ZNF780A: variants seen among roughly 807,000 people sequenced by gnomAD.
The protein encoded by ZNF780A is zinc finger protein 780A.
ZNF780A carries 40 observed loss-of-function variants against 56.7 expected under a neutral mutation model. That is an observed-to-expected ratio of 0.71 (90% CI 0.55 to 0.92). The LOEUF is 0.92. ZNF780A is among the 40% of genes least tolerant of loss of function. The pLI, the probability that ZNF780A is intolerant of heterozygous loss-of-function variation, is 0.00. For synonymous variants in ZNF780A, 231 were observed against 248.3 expected (o/e 0.93, Z 0.66); for missense variants, 672 against 783.3 (o/e 0.86, Z 1.70).
chr19:40,076,119 C>T lies in ZNF780A; in HGVS notation c.323G>A (p.Ser108Asn), dbSNP rs1599834164. 7 of 1,610,962 alleles carry T rather than the reference C, an allele frequency of 4.3e-6. No homozygotes were observed. The highest frequency in any genetic ancestry group is 5.9e-6 in the Non-Finnish European group (7 of 1,179,174). ...AAAGGCCTCAATGCCAAGAGTTGTA[C>T]TTATTTGCTTTATAACCTGTTTGGG... ...NLPKQVIKQI[S>N]TTLGIEAFYF... Residue 108 changes from serine (S) to asparagine (N), a missense_variant, in exon 6 of 6, where the codon AGT becomes AAT. Coordinates refer to ENST00000683561, the MANE Select transcript of ZNF780A (RefSeq NM_001142578.2).
Position 40,073,061 on chromosome 19 carries a change from T to C in ZNF780A, c.*1455A>G. 7.0e-7 allele frequency: 1 copy of C among 1,421,482 alleles called. No individual in the cohort carries two copies. Among genetic ancestry groups the C allele is most frequent in the South Asian group, 1.6e-5 (1 of 62,218 alleles). The allele number at this position is 1,421,482 out of a possible 1,614,324, so 88.1% of individuals were successfully genotyped here. The stretch of plus-strand genomic sequence containing the variant: ...TACAATGGCTATATGATATTGTCTA[T>C]ATTGTCTTCATGTTTGGTTGATACA... On this transcript the variant is annotated 3_prime_UTR_variant, in exon 6 of 6. Transcript: ENST00000683561.
Position 40,075,588 on chromosome 19 carries a change from C to G in ZNF780A, c.854G>C (p.Gly285Ala), listed in dbSNP as rs1417489381. The G allele has an allele frequency of 3.1e-6, 5 of 1,613,326 alleles. No homozygotes were observed. In the Admixed American group the frequency reaches 6.7e-5, roughly 22 times the overall value. The part of the protein sequence containing the change: ...KPYECKECGK[G>A]FNRGAHLIQH... ...AATAAGGTGTGCACCACGATTAAAG[C>G]CTTTCCCACACTCCTTACATTCATA... Residue 285 changes from glycine (G) to alanine (A), a missense_variant, in exon 6 of 6, where the codon GGC (glycine) becomes GCC (alanine). Physicochemically the swap from Gly to Ala is moderately conservative, Grantham distance 60 (BLOSUM62 0). Transcript: ENST00000683561.
rs199650707 is a variant in ZNF780A at position 40,076,008 on chromosome 19, T to C, written c.434A>G (p.Tyr145Cys). The C allele has an allele frequency of 1.1e-5, 17 of 1,613,398 alleles. No individual in the cohort carries two copies. The highest frequency in any genetic ancestry group is 3.3e-4 in the Middle Eastern group (2 of 6,076). Residue 145 changes from tyrosine to cysteine, a missense_variant, in exon 6 of 6, where the codon TAT becomes TGT. Coordinates refer to ENST00000683561, the MANE Select transcript of ZNF780A (RefSeq NM_001142578.2). ...EGNINQKMIS[Y>C]EKLPTHTPHA... Reference sequence around the variant, plus strand: ...AGGAGTATGAGTAGGCAGTTTTTCATAGCTGATCATCTTTTGATTGATATT... The same window carrying C: ...AGGAGTATGAGTAGGCAGTTTTTCACAGCTGATCATCTTTTGATTGATATT...
rs557190167 is a variant in ZNF780A at position 40,073,167 on chromosome 19, C to T, written c.*1349G>A. 3 of 1,010,452 alleles carry T rather than the reference C, an allele frequency of 3.0e-6. No individual in the cohort carries two copies. Among genetic ancestry groups the T allele is most frequent in the Admixed American group, 4.3e-5 (1 of 23,448 alleles). The allele number at this position is 1,010,452 out of a possible 1,614,324, so 62.6% of individuals were successfully genotyped here. A position where few individuals can be genotyped will look rare whatever the true frequency, so the allele number is the denominator to read the frequency against. ...GTACAACAAATATACAAAAAATAAA[C>T]GTGCAAATTGTTAACAATTTTGAAT... On this transcript the variant is annotated 3_prime_UTR_variant, in exon 6 of 6. Transcript: ENST00000683561.
At chr19:40,079,020 T>C (rs1974322634) in intron 5 of ZNF780A, among the ~76,000 whole-genome samples, 1 of 152,146 alleles carries the variant, frequency 6.6e-6, no homozygotes, top group Non-Finnish European at 1.5e-5. Context: ...CGTAAATGGA[T>C]TAAACTTTTC....
intron 3 of ZNF780A, among the ~76,000 whole-genome samples, chr19:40,083,966 C>T (rs564235548): frequency 4.6e-5 from 7 of 152,024 alleles, no homozygotes; most frequent in Non-Finnish European, 1.0e-4. Flanking sequence ...GTGGCACGAT[C>T]GCAGCTCACT....
rs1446419007 is a variant in ZNF780A, at chr19:40,073,054, T to C, written c.*1462A>G. The C allele has an allele frequency of 1.4e-6, 2 of 1,418,496 alleles. No homozygotes were observed. Among genetic ancestry groups the C allele is most frequent in the Non-Finnish European group, 1.8e-6 (2 of 1,089,448 alleles). The allele number at this position is 1,418,496 out of a possible 1,614,324, so 87.9% of individuals were successfully genotyped here. On this transcript the variant is annotated 3_prime_UTR_variant, in exon 6 of 6. Transcript: ENST00000683561. ...ATTATGGTACAATGGCTATATGATATTGTCTATATTGTCTTCATGTTTGGT... is the reference window on the plus strand; with the variant it reads ...ATTATGGTACAATGGCTATATGATACTGTCTATATTGTCTTCATGTTTGGT...
Position 40,074,900 on chromosome 19 carries a change from T to A in ZNF780A, c.1542A>T (p.Leu514=). The A allele has an allele frequency of 6.2e-7, 1 of 1,613,554 alleles. No homozygotes were observed. The change falls in exon 6 of 6, where the codon CTA becomes CTT. Residue 514 remains leucine, a synonymous_variant. Coordinates refer to ENST00000683561, the MANE Select transcript of ZNF780A (RefSeq NM_001142578.2). Reference sequence around the variant, plus strand: ...GAGTTTTCTGATGTTGGGAAAGTTGTAGGTAAAGTCTAAAAGCCTTCCCAC... The same window carrying A: ...GAGTTTTCTGATGTTGGGAAAGTTGAAGGTAAAGTCTAAAAGCCTTCCCAC... The part of the protein sequence containing the change: ...KECGKAFRLY[L]QLSQHQKTHT...
chr19:40,074,017 A>C lies in ZNF780A; in HGVS notation c.*499T>G. On this transcript the variant is annotated 3_prime_UTR_variant, in exon 6 of 6. Transcript: ENST00000683561. ...GTCTTCCCACATTCTGTACATTCAC[A>C]GGGTTTCATACCAGTATGAATTCTT... 1 of 1,148,810 alleles carries C rather than the reference A, an allele frequency of 8.7e-7. No homozygotes were observed. Among genetic ancestry groups the C allele is most frequent in the Non-Finnish European group, 1.1e-6 (1 of 920,718 alleles). 71.2% of individuals were successfully genotyped at this position (1,148,810 alleles called of 1,614,324 possible).
intron 5 of ZNF780A, among the ~76,000 whole-genome samples, chr19:40,077,371 C>T (rs529394169): frequency 6.6e-6 from 1 of 152,106 alleles, no homozygotes; most frequent in Non-Finnish European, 1.5e-5. Flanking sequence ...AAGAAGGCAA[C>T]ACAGGACAAA....
chr19:40,090,285 A>C (rs1975081505), intron 1 of ZNF780A, 50 bp from the exon 2 acceptor site: 1 of 152,148 alleles, frequency 6.6e-6, no homozygotes, highest in African/African-American at 2.4e-5. Context: ...CTTGGAGCGC[A>C]GACTAAGTTT....
chr19:40,078,036 GAAC>G (rs1297811212), intron 5 of ZNF780A, among the ~76,000 whole-genome samples: 6 of 149,732 alleles, frequency 4.0e-5, no homozygotes, highest in Non-Finnish European at 7.4e-5. Context: ...GAATTCGGAA[GAAC>G]AATACAAACA....
In ZNF780A at chr19:40,073,586, T is replaced by A. The variant is rs75642291; in HGVS notation, c.*930A>T. On this transcript the variant is annotated 3_prime_UTR_variant, in exon 6 of 6. Transcript: ENST00000683561. ...CATTGTGAACATGACAACTACCCTA[T>A]ATTCCTCATTCAAAGACTTTCTCAC... is the stretch of plus-strand genomic sequence containing the variant. 5.9e-3 allele frequency: 5,797 copies of A among 985,968 alleles called. 245 individuals carry two copies. In the African/African-American group the frequency reaches 0.09, roughly 15 times the overall value. 61.1% of individuals were successfully genotyped at this position (985,968 alleles called of 1,614,324 possible).
intron 5 of ZNF780A, among the ~76,000 whole-genome samples, chr19:40,080,005 C>CCACTAG (rs1974381629): frequency 6.6e-6 from 1 of 151,726 alleles, no homozygotes; most frequent in African/African-American, 2.4e-5. Flanking sequence ...AATTAATAAA[C>CCACTAG]CACTAGCTAG....
rs370932576 is a variant in ZNF780A, at chr19:40,075,651, A to G, written c.791T>C (p.Leu264Pro). The G allele has an allele frequency of 1.7e-4, 281 of 1,613,646 alleles. No individual in the cohort carries two copies. Among genetic ancestry groups the G allele is most frequent in the Non-Finnish European group, 2.4e-4 (280 of 1,179,938 alleles). ...CGKSFNRSSN[L>P]VQHQSIHSGV... Reference sequence around the variant, plus strand: ...AGAATGAATACTCTGATGTTGAACAAGGTTTGAGCTACGATTAAAGGACTT... The same window carrying G: ...AGAATGAATACTCTGATGTTGAACAGGGTTTGAGCTACGATTAAAGGACTT... The change falls in exon 6 of 6, where the codon CTT becomes CCT. Residue 264 changes from leucine (L) to proline (P), a missense_variant. By Grantham distance (98) the Leu-to-Pro change is moderately conservative. Coordinates refer to ENST00000683561, the MANE Select transcript of ZNF780A (RefSeq NM_001142578.2).
At position 40,073,825 on chromosome 19, in the gene ZNF780A, G is replaced by C; in HGVS notation, c.*691C>G. The stretch of plus-strand genomic sequence containing the variant: ...AGTAAATTTTTCGTACACAGTGAAG[G>C]CTTGTCCACACTCCTTATTGTCACA... On this transcript the variant is annotated 3_prime_UTR_variant, in exon 6 of 6. Coordinates refer to ENST00000683561, the MANE Select transcript of ZNF780A (RefSeq NM_001142578.2). 1.0e-6 allele frequency: 1 copy of C among 991,784 alleles called. No homozygotes were observed. Among genetic ancestry groups the C allele is most frequent in the African/African-American group, 1.7e-5 (1 of 57,358 alleles). 61.4% of individuals were successfully genotyped at this position (991,784 alleles called of 1,614,324 possible). A position where few individuals can be genotyped will look rare whatever the true frequency, so the allele number is the denominator to read the frequency against.
At position 40,075,765 on chromosome 19, in the gene ZNF780A, C is replaced by T; in HGVS notation, c.677G>A (p.Cys226Tyr). 1 of 1,614,078 alleles carries T rather than the reference C, an allele frequency of 6.2e-7. No individual in the cohort carries two copies. The highest frequency in any genetic ancestry group is 8.5e-7 in the Non-Finnish European group (1 of 1,179,998). The change falls in exon 6 of 6, where the codon TGT becomes TAT. Residue 226 changes from cysteine to tyrosine, a missense_variant. Transcript: ENST00000683561. ...GGTAAGAAGACTAAAGGCCTTTCCA[C>T]ATTCGTTACATTCAAAAGGTTTCTC... ...TGEKPFECNECGKAFSLLTLL... is the reference protein window; with the variant it reads ...TGEKPFECNEYGKAFSLLTLL...
At position 40,073,319 on chromosome 19, in the gene ZNF780A, A is replaced by G; in HGVS notation, c.*1197T>C. On this transcript the variant is annotated 3_prime_UTR_variant, in exon 6 of 6. Coordinates refer to ENST00000683561, the MANE Select transcript of ZNF780A (RefSeq NM_001142578.2). ...CAAAGCAATTACAATAGCAACATCA[A>G]AAATCACTGGTCATTGATCACCATG... 1 of 255,368 alleles carries G rather than the reference A, an allele frequency of 3.9e-6. No homozygotes were observed. The highest frequency in any genetic ancestry group is 6.4e-6 in the Non-Finnish European group (1 of 157,136). The allele number at this position is 255,368 out of a possible 1,614,324, so 15.8% of individuals were successfully genotyped here.
chr19:40,075,770 G>A lies in ZNF780A; in HGVS notation c.672C>T (p.Asn224=), dbSNP rs337795. The change falls in exon 6 of 6, where the codon AAC becomes AAT. Residue 224 remains asparagine (N), a synonymous_variant. Coordinates refer to ENST00000683561, the MANE Select transcript of ZNF780A (RefSeq NM_001142578.2). ...FHTGEKPFEC[N]ECGKAFSLLT... ...GAAGACTAAAGGCCTTTCCACATTC[G>A]TTACATTCAAAAGGTTTCTCACCAG... 0.014 allele frequency: 22,439 copies of A among 1,612,966 alleles called. 2,543 individuals carry two copies. The African/African-American group carries it at 0.26, about 18-fold the overall frequency.
Sources: allele counts gnomAD v4.1 joint callset (sites outside exome capture counted in the v4.1 genomes callset), GRCh38; gene constraint gnomAD v4.1.1; transcripts MANE v1.5; gene names NCBI Gene and HGNC (gene_info 2026-07-23, HGNC 2026-07-21).